Variants in KCNQ1 observed in about 807,000 individuals in gnomAD.
KCNQ1 encodes potassium voltage-gated channel subfamily Q member 1, also known as potassium voltage-gated channel subfamily KQT member 1.
A neutral mutation model predicts 72.4 loss-of-function variants in KCNQ1; 49 were observed. The ratio of observed to expected loss-of-function variants is 0.68; its 90% CI spans 0.54 to 0.86. The LOEUF (loss-of-function observed/expected upper bound fraction) is 0.86, where lower values mean the gene tolerates loss of function less well. Among genes scored for constraint, KCNQ1 ranks in the 40% least tolerant of loss-of-function variants. The probability of loss-of-function intolerance (pLI) is 0.00; values close to 1 mark genes in which losing one functional copy is unlikely to be tolerated. For synonymous variants in KCNQ1, 450 were observed against 412.6 expected (o/e 1.09, Z -1.10); for missense variants, 790 against 945.1 (o/e 0.84, Z 2.15).
rs1320072950 is a variant in KCNQ1 at position 2,579,024 on chromosome 11, C to A, written c.922-4411C>A. ...TACCCCCTCCTCCCGCTCTTGACCA[C>A]CCCTTCCTCTGGACAGACGACCACC... On this transcript the variant is annotated intron_variant, in intron 6 of 15. Coordinates refer to ENST00000155840, the MANE Select transcript of KCNQ1 (RefSeq NM_000218.3). This position sits in a 1 kb window ranked among gnomAD's most constrained non-coding sequence, Gnocchi z 6.0. 2.6e-5 allele frequency among the ~76,000 whole-genome samples: 4 copies of A among 152,326 alleles called. No homozygotes were observed. The highest frequency in any genetic ancestry group is 6.5e-5 in the Admixed American group (1 of 15,310).
chr11:2,629,954 C>T (rs1474418118), intron 10 of KCNQ1: 1 of 398,208 alleles, frequency 2.5e-6, no homozygotes, highest in Non-Finnish European at 4.4e-6. Flanking sequence ...ACTTCCAGTA[C>T]TGTGTTGAAT....
rs1278997639 is a variant in KCNQ1 at position 2,579,753 on chromosome 11, C to T, written c.922-3682C>T. The stretch of plus-strand genomic sequence containing the variant: ...GGCCTTTCTCTCCCTCTCGGGGCAC[C>T]CCTGCCTTCTACTGACCACCCAGCC... On this transcript the variant is annotated intron_variant, in intron 6 of 15. Coordinates refer to ENST00000155840, the MANE Select transcript of KCNQ1 (RefSeq NM_000218.3). The surrounding 1 kb of genome is among the most constrained non-coding windows in gnomAD (Gnocchi z 6.0). 6.6e-6 allele frequency among the ~76,000 whole-genome samples: 1 copy of T among 152,074 alleles called. No homozygotes were observed. The highest frequency in any genetic ancestry group is 2.4e-5 in the African/African-American group (1 of 41,394).
chr11:2,624,741 AC>A lies in KCNQ1; in HGVS notation c.1393+35894del, dbSNP rs548814967. On this transcript the variant is annotated intron_variant, in intron 10 of 15. Transcript: ENST00000155840. The surrounding 1 kb of genome is among the most constrained non-coding windows in gnomAD (Gnocchi z 4.9). ...ATATCCATTAAACAATAATTCCCCA[AC>A]CCCCCCACCACCGCCATCTCTTGGA... The A allele has an allele frequency of 2.5e-6, 1 of 397,696 alleles. No individual in the cohort carries two copies. The highest frequency in any genetic ancestry group is 4.4e-6 in the Non-Finnish European group (1 of 225,872). The allele number at this position is 397,696 out of a possible 1,614,324, so 24.6% of individuals were successfully genotyped here.
rs1215754897 is a variant in KCNQ1 at position 2,477,136 on chromosome 11, C to T, written c.386+31652C>T. On this transcript the variant is annotated intron_variant, in intron 1 of 15. Coordinates refer to ENST00000155840, the MANE Select transcript of KCNQ1 (RefSeq NM_000218.3). This position sits in a 1 kb window ranked among gnomAD's most constrained non-coding sequence, Gnocchi z 5.0. Reference sequence around the variant, plus strand: ...CAGTATGTGTGAGATGAATCTGAACCCTCATCAGAACGTCCACAGCTGACG... The same window carrying T: ...CAGTATGTGTGAGATGAATCTGAACTCTCATCAGAACGTCCACAGCTGACG... 6.6e-6 allele frequency among the ~76,000 whole-genome samples: 1 copy of T among 152,144 alleles called. No individual in the cohort carries two copies. Among genetic ancestry groups the T allele is most frequent in the East Asian group, 1.9e-4 (1 of 5,198 alleles).
chr11:2,467,983 G>T (rs1254347372), intron 1 of KCNQ1, among the ~76,000 whole-genome samples: 3 of 152,332 alleles, frequency 2.0e-5, no homozygotes, highest in Non-Finnish European at 2.9e-5. Context: ...TGGCCCTGTG[G>T]GTGCAGGCCA....
At chr11:2,696,785 T>C in intron 11 of KCNQ1, 1 of 398,630 alleles carries the variant, frequency 2.5e-6, no homozygotes, top group Non-Finnish European at 4.4e-6. Context: ...TGTTAATTCC[T>C]AGACTGGTAT....
At chr11:2,574,575 C>A (rs1195714858) in intron 6 of KCNQ1, among the ~76,000 whole-genome samples, 1 of 152,178 alleles carries the variant, frequency 6.6e-6, no homozygotes, top group Non-Finnish European at 1.5e-5. Context: ...GCTCTCGGGA[C>A]CCCCCACCAC....
chr11:2,668,769 T>TA lies in KCNQ1; in HGVS notation c.1514+6688_1514+6689insA. 2.5e-6 allele frequency: 1 copy of TA among 398,654 alleles called. No homozygotes were observed. The highest frequency in any genetic ancestry group is 4.4e-6 in the Non-Finnish European group (1 of 226,078). The allele number at this position is 398,654 out of a possible 1,614,324, so 24.7% of individuals were successfully genotyped here. A position where few individuals can be genotyped will look rare whatever the true frequency, so the allele number is the denominator to read the frequency against. ...GCAGGCTGCCTTCTTCCTCTCTTGA[T>TA]GGTGTCTTTTGATGAACAGAAGGTC... On this transcript the variant is annotated intron_variant, in intron 11 of 15. Coordinates refer to ENST00000155840, the MANE Select transcript of KCNQ1 (RefSeq NM_000218.3). This position sits in a 1 kb window ranked among gnomAD's most constrained non-coding sequence, Gnocchi z 4.3.
chr11:2,715,201 C>T lies in KCNQ1; in HGVS notation c.1514+53120C>T, dbSNP rs1024951382. 2.4e-4 allele frequency among the ~76,000 whole-genome samples: 36 copies of T among 152,182 alleles called. No individual in the cohort carries two copies. Among genetic ancestry groups the T allele is most frequent in the African/African-American group, 8.2e-4 (34 of 41,450 alleles). ...CCCATGCCACCCGCTCCATTTACAG[C>T]CAAGGAGCCTCAGTAGAGACACAGC... On this transcript the variant is annotated intron_variant, in intron 11 of 15. Coordinates refer to ENST00000155840, the MANE Select transcript of KCNQ1 (RefSeq NM_000218.3). This position sits in a 1 kb window ranked among gnomAD's most constrained non-coding sequence, Gnocchi z 4.9.
chr11:2,688,297 C>T lies in KCNQ1; in HGVS notation c.1514+26216C>T, dbSNP rs80113149. On this transcript the variant is annotated intron_variant, in intron 11 of 15. Transcript: ENST00000155840. ...TCTGTTTAGACAAGGAAAATGAAGA[C>T]TCTGGAAAATCTAAGCACGTCACAC... 2.9e-3 allele frequency: 1,165 copies of T among 398,742 alleles called. 13 individuals carry two copies. Among genetic ancestry groups the T allele is most frequent in the African/African-American group, 0.021 (1,027 of 48,766 alleles). 24.7% of individuals were successfully genotyped at this position (398,742 alleles called of 1,614,324 possible). A position where few individuals can be genotyped will look rare whatever the true frequency, so the allele number is the denominator to read the frequency against.
intron 2 of KCNQ1, among the ~76,000 whole-genome samples, chr11:2,556,714 C>T (rs1041962560): frequency 1.9e-4 from 29 of 152,194 alleles, no homozygotes. Flanking sequence ...GAAATGCAGT[C>T]ACACGCAAAT....
chr11:2,596,905 T>C lies in KCNQ1; in HGVS notation c.1393+8051T>C, dbSNP rs1045946242. Among the ~76,000 whole-genome samples, 52 of 151,624 alleles carry C rather than the reference T, an allele frequency of 3.4e-4. 1 individual carries two copies. Among genetic ancestry groups the C allele is most frequent in the Non-Finnish European group, 7.4e-5 (5 of 67,918 alleles). On this transcript the variant is annotated intron_variant, in intron 10 of 15. Coordinates refer to ENST00000155840, the MANE Select transcript of KCNQ1 (RefSeq NM_000218.3). ...GTAAATATATAATATATATTTTGCA[T>C]AGCAAAAAAACATACTGAAAATAAT...
intron 11 of KCNQ1, among the ~76,000 whole-genome samples, chr11:2,753,090 G>A (rs758511616): frequency 1.3e-5 from 2 of 152,188 alleles, no homozygotes; most frequent in African/African-American, 4.8e-5. Flanking sequence ...GTGCATTCAC[G>A]CAGAACTCTC....
Position 2,670,775 on chromosome 11 carries a change from T to C in KCNQ1, c.1514+8694T>C. 2.5e-6 allele frequency: 1 copy of C among 398,540 alleles called. No individual in the cohort carries two copies. The highest frequency in any genetic ancestry group is 4.4e-6 in the Non-Finnish European group (1 of 226,070). The allele number at this position is 398,540 out of a possible 1,614,324, so 24.7% of individuals were successfully genotyped here. ...TGGCCAGTGGCTCTTGTGGCTGCCC[T>C]CTGCAATAAGAATTCTTCAAGTTCA... On this transcript the variant is annotated intron_variant, in intron 11 of 15. Coordinates refer to ENST00000155840, the MANE Select transcript of KCNQ1 (RefSeq NM_000218.3). The surrounding 1 kb of genome is among the most constrained non-coding windows in gnomAD (Gnocchi z 4.9).
chr11:2,780,322 T>C (rs1846800282), intron 15 of KCNQ1, among the ~76,000 whole-genome samples: 1 of 152,198 alleles, frequency 6.6e-6, no homozygotes, highest in Non-Finnish European at 1.5e-5. Flanking sequence ...GTTTTCTCCG[T>C]TATCAGTGCA....
chr11:2,699,861 G>C (rs925767619), intron 11 of KCNQ1: 1 of 397,830 alleles, frequency 2.5e-6, no homozygotes, highest in Non-Finnish European at 4.4e-6. Context: ...CGCACCGGGA[G>C]AATCGTGCTG....
chr11:2,814,214 A>G (rs115071244), intron 15 of KCNQ1, among the ~76,000 whole-genome samples: 68 of 143,428 alleles, frequency 4.7e-4, no homozygotes, highest in African/African-American at 1.9e-3. Flanking sequence ...GCATGAATGG[A>G]TAGAGGTGGA....
intron 10 of KCNQ1, among the ~76,000 whole-genome samples, chr11:2,589,690 A>G (rs888571372): frequency 3.3e-5 from 5 of 152,016 alleles, no homozygotes; most frequent in Non-Finnish European, 7.4e-5. Flanking sequence ...TGGCCCCCCC[A>G]TGCCTCCCGC....
intron 10 of KCNQ1, among the ~76,000 whole-genome samples, chr11:2,606,734 C>G (rs997885335): frequency 3.3e-5 from 5 of 152,092 alleles, no homozygotes; most frequent in Admixed American, 6.6e-5. Flanking sequence ...AGTTCTACTT[C>G]TTTCTTTCAG....
Sources: allele counts gnomAD v4.1 joint callset (sites outside exome capture counted in the v4.1 genomes callset), GRCh38; gene constraint gnomAD v4.1.1; non-coding constraint Gnocchi (gnomAD v3.1); transcripts MANE v1.5; gene names NCBI Gene and HGNC (gene_info 2026-07-23, HGNC 2026-07-21).